ADGRV1: variants seen among roughly 807,000 people sequenced by gnomAD.
ADGRV1 encodes G-protein coupled receptor 98.
ADGRV1 carries 359 observed loss-of-function variants against 596.2 expected under a neutral mutation model. The observed-to-expected ratio is 0.60, with a 90% CI of 0.55 to 0.66. ADGRV1 has a LOEUF of 0.66. Among genes scored for constraint, ADGRV1 ranks in the 30% least tolerant of loss-of-function variants. The pLI is 0.00. For missense variants in ADGRV1, 7,274 were observed against 7,575.6 expected, an observed-to-expected ratio of 0.96 and a Z score of 1.48; for synonymous variants, 2,681 against 2,679.2, an observed-to-expected ratio of 1.00 and a Z score of -0.02.
intron 83 of ADGRV1, among the ~76,000 whole-genome samples, chr5:90,951,944 T>C (rs952608455): frequency 2.0e-5 from 3 of 152,188 alleles, no homozygotes; most frequent in African/African-American, 7.2e-5. Flanking sequence ...TAAATTGCCA[T>C]AATACTGTCA....
At chr5:91,146,160 A>G (rs1366295648) in intron 87 of ADGRV1, among the ~76,000 whole-genome samples, 5 of 152,104 alleles carry the variant, frequency 3.3e-5, no homozygotes, top group African/African-American at 1.2e-4. Context: ...ATTTTTATGT[A>G]TTTAATAATT....
At chr5:90,560,062 T>C (rs1391888009) in intron 1 of ADGRV1, among the ~76,000 whole-genome samples, 2 of 152,156 alleles carry the variant, frequency 1.3e-5, no homozygotes, top group African/African-American at 2.4e-5. Flanking sequence ...TGAACTGTGT[T>C]ATAATAAAAT....
intron 87 of ADGRV1, among the ~76,000 whole-genome samples, chr5:91,118,125 T>G (rs1471169009): frequency 6.6e-6 from 1 of 152,108 alleles, no homozygotes; most frequent in African/African-American, 2.4e-5. Context: ...GCTGTAAATG[T>G]TACCAAATTT....
rs759047132 is a variant in ADGRV1 at position 90,791,281 on chromosome 5, G to A, written c.14452G>A (p.Glu4818Lys). 1.2e-6 allele frequency: 2 copies of A among 1,605,328 alleles called. No homozygotes were observed. The highest frequency in any genetic ancestry group is 2.2e-5 in the South Asian group (2 of 89,630). ...ACAGCCGATTGTTACCGAAAATGCA[G>A]AGAGGCAGCTGGTGGTCAAAGATGG... is the stretch of plus-strand genomic sequence containing the variant. Reference protein sequence around the residue: ...KEQPIVTENAERQLVVKDGAT... With the variant: ...KEQPIVTENAKRQLVVKDGAT... Residue 4818 changes from glutamate (E) to lysine (K), a missense_variant, in exon 70 of 90, where the codon GAG becomes AAG. Glu to Lys is a moderately conservative substitution (Grantham distance 56, BLOSUM62 1). This residue lies in a region of ADGRV1 where 1,874 missense variants were observed against 1,970.2 expected (regional missense o/e 0.95). Transcript: ENST00000405460.
chr5:91,126,435 G>A (rs1431873096), intron 87 of ADGRV1, among the ~76,000 whole-genome samples: 1 of 152,222 alleles, frequency 6.6e-6, no homozygotes, highest in African/African-American at 2.4e-5. Context: ...AAAGCCAGCA[G>A]CATTGCCCCA....
At chr5:91,041,005 A>G (rs1481664863) in intron 85 of ADGRV1, among the ~76,000 whole-genome samples, 2 of 152,158 alleles carry the variant, frequency 1.3e-5, no homozygotes, top group Non-Finnish European at 2.9e-5. Context: ...AAACCTAACT[A>G]TGTTAAGAGA....
intron 42 of ADGRV1, among the ~76,000 whole-genome samples, chr5:90,715,687 ATAT>A (rs1193550675): frequency 6.6e-6 from 1 of 151,136 alleles, no homozygotes; most frequent in Non-Finnish European, 1.5e-5. Flanking sequence ...ATCTTTAGAG[ATAT>A]TATAATAGTC....
chr5:90,728,964 A>G, intron 49 of ADGRV1, 31 bp downstream of exon 49: 3 of 1,434,900 alleles, frequency 2.1e-6, no homozygotes, highest in Non-Finnish European at 2.9e-6. Flanking sequence ...TAGTGTATAT[A>G]TAATTATTGA....
At chr5:90,828,773 T>C (rs1369110840) in intron 76 of ADGRV1, among the ~76,000 whole-genome samples, 171 bp from the exon 77 acceptor site, 1 of 152,126 alleles carries the variant, frequency 6.6e-6, no homozygotes, top group Non-Finnish European at 1.5e-5. Context: ...AAAATAAATG[T>C]CATGATAATC....
At position 90,760,854 on chromosome 5, in the gene ADGRV1, A is replaced by G. The variant is rs570656343; in HGVS notation, c.12120+1266A>G. Among the ~76,000 whole-genome samples, 10 of 152,356 alleles carry G rather than the reference A, an allele frequency of 6.6e-5. No individual in the cohort carries two copies. The South Asian group carries it at 2.1e-3, about 32-fold the overall frequency. ...CATATTTGGTACCTAGTACTAAATT[A>G]TCACTACATCTTAAGTATAAAACAC... On this transcript the variant is annotated intron_variant, in intron 58 of 89. Transcript: ENST00000405460.
intron 83 of ADGRV1, among the ~76,000 whole-genome samples, chr5:90,879,865 C>T (rs1335941649): frequency 2.0e-5 from 3 of 151,898 alleles, no homozygotes; most frequent in South Asian, 2.1e-4. Flanking sequence ...GAGAATCAAT[C>T]GCTTGAACCT....
chr5:91,131,422 GTTT>G (rs61693680), intron 87 of ADGRV1, among the ~76,000 whole-genome samples: 1 of 124,816 alleles, frequency 8.0e-6, no homozygotes, highest in Non-Finnish European at 1.8e-5. Context: ...GTCTGTTTGG[GTTT>G]TTTTTTTTTT....
chr5:90,823,725 T>G (rs913698301), intron 76 of ADGRV1, 129 bp downstream of exon 76: 89 of 755,062 alleles, frequency 1.2e-4, no homozygotes, highest in Non-Finnish European at 1.4e-4. Flanking sequence ...TTAGCCATAA[T>G]GTCTAAATCT....
intron 84 of ADGRV1, among the ~76,000 whole-genome samples, chr5:90,968,373 A>G (rs1237054690): frequency 6.6e-6 from 1 of 152,232 alleles, no homozygotes; most frequent in African/African-American, 2.4e-5. Context: ...ATTAGACAAA[A>G]TCATATATAA....
chr5:91,154,049 T>C (rs1562288397), intron 89 of ADGRV1, among the ~76,000 whole-genome samples: 1 of 152,240 alleles, frequency 6.6e-6, no homozygotes, highest in Non-Finnish European at 1.5e-5. Context: ...TTCTTTCCAG[T>C]GTGTCTAAAT....
chr5:90,733,426 G>A (rs909480804), intron 50 of ADGRV1, among the ~76,000 whole-genome samples: 8 of 152,270 alleles, frequency 5.3e-5, no homozygotes, highest in South Asian at 2.1e-4. Flanking sequence ...ACATCCATGC[G>A]TGGGGATAGT....
intron 28 of ADGRV1, among the ~76,000 whole-genome samples, chr5:90,684,746 T>C (rs1298025889): frequency 1.3e-5 from 2 of 152,148 alleles, no homozygotes; most frequent in African/African-American, 4.8e-5. Context: ...CACCTCTTAA[T>C]ACTATCACCA....
chr5:90,763,618 A>G (rs1756755767), intron 59 of ADGRV1, 149 bp downstream of exon 59: 2 of 672,718 alleles, frequency 3.0e-6, no homozygotes, highest in South Asian at 2.8e-5. Context: ...TAGTGAGCCC[A>G]TAACCCAAAT....
intron 34 of ADGRV1, among the ~76,000 whole-genome samples, chr5:90,700,266 C>T (rs918489197): frequency 3.9e-5 from 6 of 152,084 alleles, no homozygotes; most frequent in East Asian, 3.9e-4. Flanking sequence ...ACAGTGTTAA[C>T]GTTGCTTTTA....
Sources: gnomAD v4.1 joint callset for allele counts (sites outside exome capture counted in the v4.1 genomes callset) on GRCh38, gnomAD v4.1.1 for gene constraint, gnomAD v4.1.1 regional missense constraint, MANE v1.5 for transcripts, NCBI Gene and HGNC (gene_info 2026-07-23, HGNC 2026-07-21) for gene names.